Variants in EDA observed in about 807,000 individuals in gnomAD.
EDA encodes ectodysplasin-A.
In EDA, 2 loss-of-function variants were observed where a neutral mutation model predicts 23.6. The ratio of observed to expected loss-of-function variants is 0.08; its 90% CI spans 0.03 to 0.27. The LOEUF is 0.27. EDA is among the 10% of genes least tolerant of loss of function. EDA has a pLI of 1.00. For synonymous variants in EDA, 131 were observed against 132.0 expected (o/e 0.99, Z 0.05); for missense variants, 229 against 324.2 (o/e 0.71, Z 2.26).
intron 1 of EDA, among the ~76,000 whole-genome samples, chrX:69,828,762 A>G (rs1413264803): frequency 2.7e-5 from 3 of 112,600 alleles, no homozygotes; most frequent in Non-Finnish European, 5.6e-5. Context: ...AACACATTGA[A>G]TAGTAGTCAG....
chrX:69,641,890 A>G (rs1932843507), intron 1 of EDA, among the ~76,000 whole-genome samples: 1 of 112,008 alleles, frequency 8.9e-6, no homozygotes, highest in African/African-American at 3.2e-5. Flanking sequence ...TGAATAAACT[A>G]CATAGGGAAA....
chrX:69,786,870 T>A (rs2015203691), intron 1 of EDA, among the ~76,000 whole-genome samples: 1 of 109,272 alleles, frequency 9.2e-6, no homozygotes, highest in South Asian at 4.0e-4. Context: ...CTCATTGATC[T>A]GTCTGATGTT....
chrX:69,866,805 T>C (rs915000167), intron 1 of EDA, among the ~76,000 whole-genome samples: 5 of 111,967 alleles, frequency 4.5e-5, no homozygotes, highest in Non-Finnish European at 7.5e-5. Context: ...GTGAATTCCA[T>C]GAGCATGAGC....
chrX:69,772,594 T>C (rs2014669920), intron 1 of EDA, among the ~76,000 whole-genome samples: 1 of 111,520 alleles, frequency 9.0e-6, no homozygotes, highest in Admixed American at 9.5e-5. Flanking sequence ...TCCTCATTAG[T>C]GAGCAAAGTA....
chrX:69,709,328 GA>G (rs2011871489), intron 1 of EDA, among the ~76,000 whole-genome samples: 1 of 111,836 alleles, frequency 8.9e-6, no homozygotes, highest in African/African-American at 3.2e-5. Context: ...ACCATCAGTG[GA>G]AATCTTGAAG....
intron 2 of EDA, among the ~76,000 whole-genome samples, chrX:69,970,724 A>G (rs1351633862): frequency 9.0e-6 from 1 of 111,656 alleles, no homozygotes; most frequent in Non-Finnish European, 1.9e-5. Context: ...GTGATAAGAC[A>G]GGGAAGTCTC....
intron 1 of EDA, among the ~76,000 whole-genome samples, chrX:69,677,486 A>G (rs1934142298): frequency 9.0e-6 from 1 of 110,981 alleles, no homozygotes; most frequent in African/African-American, 3.3e-5. Flanking sequence ...CCTCTCCAGC[A>G]CCTGTTGTTT....
At chrX:69,985,727 C>T (rs2019485229) in intron 2 of EDA, among the ~76,000 whole-genome samples, 1 of 2,861 alleles carries the variant, frequency 3.5e-4, no homozygotes, top group African/African-American at 1.2e-3. Context: ...AATGCCATCC[C>T]CATCAAGCTA....
At chrX:69,742,169 C>T (rs2013478276) in intron 1 of EDA, among the ~76,000 whole-genome samples, 1 of 111,658 alleles carries the variant, frequency 9.0e-6, no homozygotes, top group African/African-American at 3.3e-5. Flanking sequence ...GCCATCCATG[C>T]CTTGGGTGGA....
At chrX:69,878,078 CT>C (rs1190813000) in intron 1 of EDA, among the ~76,000 whole-genome samples, 1 of 111,994 alleles carries the variant, frequency 8.9e-6, no homozygotes, top group Non-Finnish European at 1.9e-5. Context: ...TGTTCTTTTT[CT>C]TTTTCTTTTT....
intron 1 of EDA, among the ~76,000 whole-genome samples, chrX:69,644,912 A>C (rs374121402): frequency 8.9e-6 from 1 of 111,851 alleles, no homozygotes; most frequent in African/African-American, 3.3e-5. Context: ...GTGATGAGTC[A>C]CGTTTATTGA....
intron 1 of EDA, among the ~76,000 whole-genome samples, chrX:69,933,957 G>C (rs1245785968): frequency 8.9e-6 from 1 of 112,776 alleles, no homozygotes. Context: ...CAGCGTTGCT[G>C]ATGAGATGAC....
At chrX:69,794,633 G>A (rs993918635) in intron 1 of EDA, among the ~76,000 whole-genome samples, 4 of 112,427 alleles carry the variant, frequency 3.6e-5, no homozygotes, top group African/African-American at 9.7e-5. Context: ...GAGTGAATGC[G>A]TGGAGACCAG....
chrX:69,989,939 T>TG (rs199842889), intron 2 of EDA, among the ~76,000 whole-genome samples: 7 of 102,326 alleles, frequency 6.8e-5, no homozygotes, highest in Non-Finnish European at 2.0e-5. Flanking sequence ...AGGCTTTCTT[T>TG]TTTTTTTTTT....
At chrX:69,630,555 G>A (rs940506689) in intron 1 of EDA, among the ~76,000 whole-genome samples, 3 of 112,225 alleles carry the variant, frequency 2.7e-5, no homozygotes, top group African/African-American at 9.7e-5. Context: ...AAATGGGAAA[G>A]ACAGTACCTT....
intron 1 of EDA, among the ~76,000 whole-genome samples, chrX:69,654,205 A>G (rs1602256380): frequency 8.9e-6 from 1 of 112,163 alleles, no homozygotes; most frequent in African/African-American, 3.2e-5. Flanking sequence ...AATGCTCATC[A>G]TCACTGGCCA....
At chrX:69,828,394 A>C (rs1222003073) in intron 1 of EDA, among the ~76,000 whole-genome samples, 3 of 112,220 alleles carry the variant, frequency 2.7e-5, no homozygotes, top group Non-Finnish European at 5.6e-5. Flanking sequence ...GTGGGATATA[A>C]TCTCCTGATG....
At chrX:69,656,609 C>T (rs1569285195) in intron 1 of EDA, among the ~76,000 whole-genome samples, 1 of 111,262 alleles carries the variant, frequency 9.0e-6, no homozygotes, top group African/African-American at 3.3e-5. Context: ...ACTTAGGTAG[C>T]GAGCATAGTA....
At chrX:69,859,918 A>G (rs2017343902) in intron 1 of EDA, among the ~76,000 whole-genome samples, 1 of 111,213 alleles carries the variant, frequency 9.0e-6, no homozygotes, top group Non-Finnish European at 1.9e-5. Context: ...TGTTGGGTGC[A>G]TATATATTTA....
Sources: allele counts gnomAD v4.1 joint callset (sites outside exome capture counted in the v4.1 genomes callset), GRCh38; gene constraint gnomAD v4.1.1; transcripts MANE v1.5; gene names NCBI Gene and HGNC (gene_info 2026-07-23, HGNC 2026-07-21).